TTLL4: variants seen among roughly 807,000 people sequenced by gnomAD.
TTLL4 encodes the protein tubulin tyrosine ligase like 4, also known as tubulin monoglutamylase TTLL4.
TTLL4 carries 85 observed loss-of-function variants against 122.7 expected under a neutral mutation model. That is an observed-to-expected ratio of 0.69 (90% CI 0.58 to 0.83). TTLL4 has a LOEUF of 0.83. Ranked by LOEUF, TTLL4 falls within the 40% of genes least tolerant of loss-of-function variation. TTLL4 has a pLI of 0.00. For missense variants in TTLL4, 1,363 were observed against 1,488.6 expected, an observed-to-expected ratio of 0.92 and a Z score of 1.39; for synonymous variants, 553 against 563.0, an observed-to-expected ratio of 0.98 and a Z score of 0.25.
At chr2:218,749,440 C>G in intron 14 of TTLL4, 53 bp downstream of exon 14, 2 of 1,586,790 alleles carry the variant, frequency 1.3e-6, no homozygotes. Flanking sequence ...TATTCTCACG[C>G]TCCCATTGCC....
intron 13 of TTLL4, 135 bp from the exon 14 acceptor site, chr2:218,749,118 G>A: frequency 7.5e-7 from 1 of 1,335,852 alleles, no homozygotes; most frequent in African/African-American, 1.5e-5. Flanking sequence ...TCCCAGATCA[G>A]AGGTGTCACT....
At chr2:218,759,060 C>T (rs1364436587), downstream of TTLL4, among the ~76,000 whole-genome samples, 2 of 151,646 alleles carry the variant, frequency 1.3e-5, no homozygotes, top group African/African-American at 4.9e-5. Flanking sequence ...GCCTGACCAA[C>T]ATGGAGAAAC....
chr2:218,757,868 A>T (rs995559499), downstream of TTLL4, among the ~76,000 whole-genome samples: 6 of 152,074 alleles, frequency 3.9e-5, no homozygotes, highest in African/African-American at 9.7e-5. Flanking sequence ...GCTCCCCTTG[A>T]TTTGTCCTCT....
Position 218,748,911 on chromosome 2 carries a change from T to C in TTLL4, c.2577T>C (p.Asp859=), listed in dbSNP as rs1942936646. The C allele has an allele frequency of 3.7e-6, 6 of 1,614,152 alleles. 1 individual carries two copies. In the East Asian group the frequency reaches 1.3e-4, roughly 36 times the overall value. ...NSDAIWEKIK[D]VVVKTIISSE... Reference sequence around the variant, plus strand: ...ACGCCATCTGGGAGAAGATAAAGGATGTTGTTGTCAAAACTATCATCTCGT... The same window carrying C: ...ACGCCATCTGGGAGAAGATAAAGGACGTTGTTGTCAAAACTATCATCTCGT... The change falls in exon 13 of 20, where the codon GAT becomes GAC. Residue 859 remains aspartate (D), a synonymous_variant. Coordinates refer to ENST00000392102, the MANE Select transcript of TTLL4 (RefSeq NM_014640.5).
In TTLL4 at chr2:218,749,297, G is replaced by A. The variant is rs138019885; in HGVS notation, c.2645G>A (p.Arg882Gln). 3.7e-4 allele frequency: 594 copies of A among 1,614,028 alleles called. No homozygotes were observed. The highest frequency in any genetic ancestry group is 5.7e-4 in the Admixed American group (34 of 60,002). ...AGCCTGCTCAAGATGTATGTGCGAC[G>A]GCCCTATAGCTGCCATGAACTCTTT... ...VTSLLKMYVR[R>Q]PYSCHELFGF... is the part of the protein sequence containing the mutation. The change falls in exon 14 of 20, where the codon CGG (arginine) becomes CAG (glutamine). Residue 882 changes from arginine (R) to glutamine (Q), a missense_variant. This residue lies in a region of TTLL4 where 596 missense variants were observed against 655.8 expected (regional missense o/e 0.91). Transcript: ENST00000392102.
rs1229345802 is a variant in TTLL4 at position 218,747,645 on chromosome 2, G to A, written c.2298G>A (p.Arg766=). The change falls in exon 11 of 20, where the codon CGG becomes CGA. Residue 766 remains arginine, a synonymous_variant. Coordinates refer to ENST00000392102, the MANE Select transcript of TTLL4 (RefSeq NM_014640.5). This position sits in a 1 kb window ranked among gnomAD's most constrained non-coding sequence, Gnocchi z 4.7. The stretch of plus-strand genomic sequence containing the variant: ...TCAGCGGCAGCAAGTTTGACCTGCG[G>A]ATCTATGTTTATGTCACTTCCTACG... ...YLISGSKFDL[R]IYVYVTSYDP... 2.5e-6 allele frequency: 4 copies of A among 1,614,098 alleles called. No individual in the cohort carries two copies. In the South Asian group the frequency reaches 3.3e-5, roughly 13 times the overall value.
chr2:218,738,456 C>G lies in TTLL4; in HGVS notation c.780C>G (p.Asp260Glu), dbSNP rs761465349. The G allele has an allele frequency of 3.1e-6, 5 of 1,614,118 alleles. No individual in the cohort carries two copies. The highest frequency in any genetic ancestry group is 4.2e-6 in the Non-Finnish European group (5 of 1,180,058). ...VSWHHSGGTG[D>E]CAPQPVDHKV... ...GGCATCATTCAGGGGGTACTGGAGA[C>G]TGTGCACCGCAGCCTGTTGACCATA... Residue 260 changes from aspartate (D) to glutamate (E), a missense_variant, in exon 3 of 20, where the codon GAC (aspartate) becomes GAG (glutamate). Coordinates refer to ENST00000392102, the MANE Select transcript of TTLL4 (RefSeq NM_014640.5).
intron 1 of TTLL4, among the ~76,000 whole-genome samples, chr2:218,714,895 C>T (rs780567368): frequency 2.5e-4 from 38 of 151,234 alleles, no homozygotes; most frequent in South Asian, 1.0e-3. Context: ...TGAGCCACTG[C>T]GCTTAGCCTA....
chr2:218,713,350 T>G (rs1224640690), intron 1 of TTLL4, among the ~76,000 whole-genome samples: 2 of 152,198 alleles, frequency 1.3e-5, no homozygotes, highest in African/African-American at 4.8e-5. Flanking sequence ...TGATCATAGC[T>G]CACTGTAAAC....
intron 2 of TTLL4, among the ~76,000 whole-genome samples, chr2:218,733,292 A>C (rs1317307497): frequency 2.6e-5 from 4 of 152,150 alleles, no homozygotes; most frequent in Non-Finnish European, 5.9e-5. Flanking sequence ...TAATTGGCTC[A>C]TGGTTCTGCA....
At chr2:218,717,061 A>T (rs1941884338) in intron 1 of TTLL4, among the ~76,000 whole-genome samples, 1 of 151,692 alleles carries the variant, frequency 6.6e-6, no homozygotes, top group Non-Finnish European at 1.5e-5. Context: ...GGCTTACTGC[A>T]GTCTCCACCC....
At chr2:218,730,334 A>AAAAATT (rs1942339574) in intron 2 of TTLL4, among the ~76,000 whole-genome samples, 1 of 141,526 alleles carries the variant, frequency 7.1e-6, no homozygotes, top group Non-Finnish European at 1.5e-5. Context: ...AAAAAAAAAA[A>AAAAATT]AAAAAAAAAA....
At chr2:218,723,542 T>C (rs760233632) in intron 1 of TTLL4, among the ~76,000 whole-genome samples, 32 of 152,038 alleles carry the variant, frequency 2.1e-4, no homozygotes, top group Admixed American at 4.6e-4. Context: ...TTGAGAGAGG[T>C]TGATTAATGG....
chr2:218,746,976 C>T, intron 8 of TTLL4, 27 bp from the exon 9 acceptor site: 11 of 1,609,750 alleles, frequency 6.8e-6, no homozygotes, highest in Non-Finnish European at 8.5e-6. Context: ...TGCCCTCTTC[C>T]TGCACTCACC....
chr2:218,725,306 A>G (rs1427365599), intron 1 of TTLL4, among the ~76,000 whole-genome samples: 3 of 152,114 alleles, frequency 2.0e-5, no homozygotes, highest in Admixed American at 1.3e-4. Context: ...CACAGCCTCC[A>G]TCTCCTGGGC....
intron 14 of TTLL4, 91 bp from the exon 15 acceptor site, chr2:218,749,918 G>C: frequency 1.3e-6 from 2 of 1,506,454 alleles, no homozygotes; most frequent in Non-Finnish European, 1.8e-6. Context: ...GGGAAGCCAG[G>C]AAGTAAATGA....
chr2:218,713,453 A>G lies in TTLL4; in HGVS notation c.-178+2416A>G, dbSNP rs114782793. ...CCACCCATCTGGCTAATTTTTTAAA[A>G]TTTTTAGTAGTGATGGGGGTCTCTC... On this transcript the variant is annotated intron_variant, in intron 1 of 19. Transcript: ENST00000392102. 3.2e-3 allele frequency among the ~76,000 whole-genome samples: 480 copies of G among 152,100 alleles called. 1 individual carries two copies. Among genetic ancestry groups the G allele is most frequent in the African/African-American group, 0.011 (459 of 41,508 alleles).
downstream of TTLL4, among the ~76,000 whole-genome samples, chr2:218,758,034 C>A (rs1943185313): frequency 6.6e-6 from 1 of 152,116 alleles, no homozygotes; most frequent in African/African-American, 2.4e-5. Flanking sequence ...TTTAGAGTTC[C>A]CCCTGTAGCA....
chr2:218,745,367 T>C, intron 6 of TTLL4, 134 bp downstream of exon 6: 1 of 1,230,584 alleles, frequency 8.1e-7, no homozygotes, highest in East Asian at 2.4e-5. Flanking sequence ...CTGTGCTCAG[T>C]TCCCCATGTG....
Sources: gnomAD v4.1 joint callset for allele counts (sites outside exome capture counted in the v4.1 genomes callset) on GRCh38, gnomAD v4.1.1 for gene constraint, gnomAD v4.1.1 regional missense constraint, Gnocchi (gnomAD v3.1) non-coding constraint, MANE v1.5 for transcripts, NCBI Gene and HGNC (gene_info 2026-07-23, HGNC 2026-07-21) for gene names.